Variants in NRXN3 observed in about 807,000 individuals in gnomAD.
NRXN3 encodes neurexin 3.
NRXN3 carries 32 observed loss-of-function variants against 137.6 expected under a neutral mutation model. The ratio of observed to expected loss-of-function variants is 0.23; its 90% CI spans 0.18 to 0.31. The LOEUF is 0.31. Ranked by LOEUF, NRXN3 falls within the 10% of genes least tolerant of loss-of-function variation. NRXN3 has a pLI of 1.00. For missense variants in NRXN3, 1,574 were observed against 2,062.5 expected (o/e 0.76, Z 4.59); for synonymous variants, 798 against 784.5 (o/e 1.02, Z -0.29).
intron 15 of NRXN3, among the ~76,000 whole-genome samples, chr14:79,305,744 A>C (rs1198163718): frequency 1.3e-5 from 2 of 152,088 alleles, no homozygotes; most frequent in African/African-American, 2.4e-5. Flanking sequence ...CCATAGAAGA[A>C]GTAATGAACT....
intron 19 of NRXN3, among the ~76,000 whole-genome samples, chr14:79,737,502 T>C (rs2098946123): frequency 6.6e-6 from 1 of 152,212 alleles, no homozygotes; most frequent in South Asian, 2.1e-4. Flanking sequence ...TATGCCAATA[T>C]ATATTGTTAT....
chr14:79,624,791 G>A (rs1329378065), intron 16 of NRXN3, among the ~76,000 whole-genome samples: 2 of 121,026 alleles, frequency 1.7e-5, no homozygotes, highest in Admixed American at 1.6e-4. Context: ...TTTCTTTCCC[G>A]TTTTTTTTTT....
intron 4 of NRXN3, among the ~76,000 whole-genome samples, chr14:78,311,439 C>G (rs2077968945): frequency 6.6e-6 from 1 of 152,172 alleles, no homozygotes; most frequent in Non-Finnish European, 1.5e-5. Context: ...CAAGTTCATC[C>G]AACCCCAGGT....
intron 6 of NRXN3, among the ~76,000 whole-genome samples, chr14:78,698,627 C>T (rs116747579): frequency 0.019 from 2,922 of 151,974 alleles, 100 homozygotes; most frequent in African/African-American, 0.068. Context: ...GTGTTGGCAC[C>T]GAACTTTGTC....
chr14:78,530,556 G>A (rs8006051), intron 4 of NRXN3, among the ~76,000 whole-genome samples: 1 of 152,010 alleles, frequency 6.6e-6, no homozygotes, highest in African/African-American at 2.4e-5. Context: ...GTGCCCTTGC[G>A]GATGGCTGAG....
chr14:78,592,573 G>T (rs1236810306), intron 4 of NRXN3, among the ~76,000 whole-genome samples: 1 of 152,200 alleles, frequency 6.6e-6, no homozygotes, highest in African/African-American at 2.4e-5. Context: ...AACGGTGAGA[G>T]AATATAATTG....
intron 15 of NRXN3, among the ~76,000 whole-genome samples, chr14:79,180,900 A>G (rs2062851604): frequency 6.6e-6 from 1 of 152,114 alleles, no homozygotes; most frequent in South Asian, 2.1e-4. Flanking sequence ...GCCAAGAGAG[A>G]GAGATACTGT....
In NRXN3 at chr14:79,646,470, A is replaced by G. The variant is rs1366296914; in HGVS notation, c.3445-17308A>G. On this transcript the variant is annotated intron_variant, in intron 16 of 20. Transcript: ENST00000335750. ...ATGCCAATGTCCAAAAAGCTAAACC[A>G]TCAGCTGCATGATGCTAAGGCTTTC... is the stretch of plus-strand genomic sequence containing the variant. Among the ~76,000 whole-genome samples the G allele has an allele frequency of 1.5e-5, 2 of 135,932 alleles. 1 individual carries two copies. Among genetic ancestry groups the G allele is most frequent in the Admixed American group, 1.6e-4 (2 of 12,884 alleles). 89.2% of individuals were successfully genotyped at this position (135,932 alleles called of 152,430 possible). A position where few individuals can be genotyped will look rare whatever the true frequency, so the allele number is the denominator to read the frequency against.
chr14:78,243,549 C>T lies in NRXN3; in HGVS notation c.456C>T (p.Val152=). ...TCAGTGACTTGTTCCTTGGTGGAGTCCCTACTGACATACGACCTTCTGCCC... is the reference window on the plus strand; with the variant it reads ...TCAGTGACTTGTTCCTTGGTGGAGTTCCTACTGACATACGACCTTCTGCCC... ...DVVSDLFLGG[V]PTDIRPSALT... Residue 152 remains valine, a synonymous_variant, in exon 2 of 21, where the codon GTC becomes GTT. Coordinates refer to ENST00000335750, the MANE Select transcript of NRXN3 (RefSeq NM_001330195.2). This position sits in a 1 kb window ranked among gnomAD's most constrained non-coding sequence, Gnocchi z 4.2. The T allele has an allele frequency of 1.9e-6, 3 of 1,597,978 alleles. No individual in the cohort carries two copies. Among genetic ancestry groups the T allele is most frequent in the Non-Finnish European group, 1.7e-6 (2 of 1,179,594 alleles).
At chr14:78,845,724 T>C (rs2099024683) in intron 10 of NRXN3, among the ~76,000 whole-genome samples, 1 of 152,112 alleles carries the variant, frequency 6.6e-6, no homozygotes, top group South Asian at 2.1e-4. Flanking sequence ...GAGTATTCAT[T>C]CTGCGTGTAA....
intron 8 of NRXN3, among the ~76,000 whole-genome samples, chr14:78,735,206 G>GA (rs911291014): frequency 7.2e-5 from 11 of 152,144 alleles, no homozygotes; most frequent in Admixed American, 7.2e-4. Context: ...AGTAAGAAGA[G>GA]ATTTTTATTC....
intron 15 of NRXN3, among the ~76,000 whole-genome samples, chr14:79,295,424 T>G (rs896844749): frequency 2.0e-5 from 3 of 152,162 alleles, no homozygotes; most frequent in African/African-American, 7.2e-5. Context: ...AAAAGCACTC[T>G]TTCAAATGTC....
intron 15 of NRXN3, among the ~76,000 whole-genome samples, chr14:79,428,527 C>T (rs2095693235): frequency 6.6e-6 from 1 of 151,908 alleles, no homozygotes; most frequent in African/African-American, 2.4e-5. Context: ...AAATTCTAAA[C>T]AGAGAAATCA....
At chr14:79,104,712 T>C (rs371237653) in intron 15 of NRXN3, among the ~76,000 whole-genome samples, 2 of 152,156 alleles carry the variant, frequency 1.3e-5, no homozygotes, top group Non-Finnish European at 2.9e-5. Context: ...GCAGGGAGTT[T>C]AGAGCATTTA....
chr14:79,123,333 A>T (rs922073017), intron 15 of NRXN3, among the ~76,000 whole-genome samples: 16 of 152,144 alleles, frequency 1.1e-4, no homozygotes, highest in African/African-American at 3.6e-4. Flanking sequence ...TGAGTTTTCC[A>T]ATTTCCATTG....
intron 4 of NRXN3, among the ~76,000 whole-genome samples, chr14:78,644,498 A>T (rs895710811): frequency 6.6e-6 from 1 of 152,116 alleles, no homozygotes; most frequent in Non-Finnish European, 1.5e-5. Flanking sequence ...TCTTATCAAA[A>T]CATATCAAAT....
intron 4 of NRXN3, among the ~76,000 whole-genome samples, chr14:78,524,805 A>T (rs901404239): frequency 2.6e-5 from 4 of 152,160 alleles, no homozygotes; most frequent in African/African-American, 9.7e-5. Flanking sequence ...GACCTAGGCA[A>T]AATGTTTTAA....
chr14:78,471,327 CA>C (rs2095266195), intron 4 of NRXN3, among the ~76,000 whole-genome samples: 1 of 14,090 alleles, frequency 7.1e-5, no homozygotes, highest in Non-Finnish European at 1.9e-4. Flanking sequence ...CACACACACA[CA>C]CACACCCCCA....
At chr14:78,429,211 G>T (rs1012749479) in intron 4 of NRXN3, among the ~76,000 whole-genome samples, 4 of 150,406 alleles carry the variant, frequency 2.7e-5, no homozygotes, top group African/African-American at 5.0e-5. Flanking sequence ...TGAGTAGCTG[G>T]AATTAAAAGT....
Sources: gnomAD v4.1 joint callset for allele counts (sites outside exome capture counted in the v4.1 genomes callset) on GRCh38, gnomAD v4.1.1 for gene constraint, Gnocchi (gnomAD v3.1) non-coding constraint, MANE v1.5 for transcripts, NCBI Gene and HGNC (gene_info 2026-07-23, HGNC 2026-07-21) for gene names.